WDHD1: variants seen among roughly 807,000 people sequenced by gnomAD.
WDHD1 encodes WD repeat and HMG-box DNA binding protein 1.
A neutral mutation model predicts 135.4 loss-of-function variants in WDHD1; 111 were observed. The ratio of observed to expected loss-of-function variants is 0.82; its 90% CI spans 0.70 to 0.96. WDHD1 has a LOEUF of 0.96. Ranked by LOEUF, WDHD1 falls within the 40% of genes least tolerant of loss-of-function variation. The probability of loss-of-function intolerance (pLI) is 0.00; values close to 1 mark genes in which losing one functional copy is unlikely to be tolerated. For missense variants in WDHD1, 1,351 were observed against 1,336.3 expected (o/e 1.01, Z -0.17); for synonymous variants, 434 against 439.0 (o/e 0.99, Z 0.14).
At position 54,962,778 on chromosome 14, in the gene WDHD1, T is replaced by A; in HGVS notation, c.2607A>T (p.Gly869=). 1 of 1,613,898 alleles carries A rather than the reference T, an allele frequency of 6.2e-7. No homozygotes were observed. The highest frequency in any genetic ancestry group is 8.5e-7 in the Non-Finnish European group (1 of 1,180,018). Residue 869 remains glycine, a synonymous_variant, in exon 20 of 26, where the codon GGA becomes GGT. Transcript: ENST00000360586. ...NQVEEDAEDS[G]EADDEEKPEI... ...CTGGTTTTTCTTCATCATCAGCTTCTCCACTGTCCTCAGCATCTTCTTCAA... is the reference window on the plus strand; with the variant it reads ...CTGGTTTTTCTTCATCATCAGCTTCACCACTGTCCTCAGCATCTTCTTCAA...
intron 15 of WDHD1, 31 bp from the exon 16 acceptor site, chr14:54,981,727 C>G: frequency 6.7e-7 from 1 of 1,486,094 alleles, no homozygotes. Flanking sequence ...CACTTGGAGA[C>G]ATAGCTACAT....
Position 54,963,090 on chromosome 14 carries a change from T to C in WDHD1, c.2393A>G (p.Lys798Arg). The change falls in exon 19 of 26, where the codon AAA becomes AGA. Residue 798 changes from lysine to arginine, a missense_variant. Physicochemically the swap from Lys to Arg is conservative, Grantham distance 26. Transcript: ENST00000360586. Reference sequence around the variant, plus strand: ...TAATTTCCGAGAGCGAGAAGCATATTTAATGGCTAAATTCACAGCATTTTG... The same window carrying C: ...TAATTTCCGAGAGCGAGAAGCATATCTAATGGCTAAATTCACAGCATTTTG... Reference protein sequence around the residue: ...MTQNAVNLAIKYASRSRKLIL... With the variant: ...MTQNAVNLAIRYASRSRKLIL... The C allele has an allele frequency of 6.2e-7, 1 of 1,606,882 alleles. No individual in the cohort carries two copies. The highest frequency in any genetic ancestry group is 8.5e-7 in the Non-Finnish European group (1 of 1,177,056).
At chr14:54,979,072 A>G (rs1459945460) in intron 16 of WDHD1, among the ~76,000 whole-genome samples, 1 of 152,184 alleles carries the variant, frequency 6.6e-6, no homozygotes, top group Non-Finnish European at 1.5e-5. Context: ...CAAAAATGCT[A>G]TAGAGTCACC....
chr14:54,978,405 AG>A (rs959079607), intron 16 of WDHD1, among the ~76,000 whole-genome samples: 1 of 152,150 alleles, frequency 6.6e-6, no homozygotes, highest in African/African-American at 2.4e-5. Flanking sequence ...CAAGATGGTG[AG>A]ACCCCATCTT....
chr14:54,951,826 C>T (rs906647474), intron 24 of WDHD1, among the ~76,000 whole-genome samples: 16 of 152,184 alleles, frequency 1.1e-4, no homozygotes, highest in Non-Finnish European at 1.6e-4. Flanking sequence ...GGATGCAAGG[C>T]TAGTTCAACA....
intron 6 of WDHD1, 146 bp downstream of exon 6, chr14:55,008,170 G>A: frequency 4.4e-6 from 3 of 685,242 alleles, no homozygotes; most frequent in Non-Finnish European, 7.0e-6. Context: ...GAATACTGTG[G>A]ACTTTGATCA....
At chr14:54,960,559 G>GTGCAAC (rs2041234567) in intron 21 of WDHD1, among the ~76,000 whole-genome samples, 1 of 151,446 alleles carries the variant, frequency 6.6e-6, no homozygotes, top group Non-Finnish European at 1.5e-5. Flanking sequence ...GAGTGCAGTG[G>GTGCAAC]CGTGATCTCC....
At chr14:54,944,615 A>ATT in intron 24 of WDHD1, 145 bp from the exon 25 acceptor site, 1 of 534,638 alleles carries the variant, frequency 1.9e-6, no homozygotes, top group Non-Finnish European at 2.7e-6. Context: ...AATTCATGTT[A>ATT]CTTTTTTTTT....
At chr14:55,003,948 T>C (rs2042021267) in intron 7 of WDHD1, among the ~76,000 whole-genome samples, 1 of 152,204 alleles carries the variant, frequency 6.6e-6, no homozygotes, top group South Asian at 2.1e-4. Context: ...GTAAGAATAC[T>C]TTGCACACTA....
intron 3 of WDHD1, among the ~76,000 whole-genome samples, chr14:55,011,812 T>A (rs768818439): frequency 1.6e-4 from 25 of 152,104 alleles, no homozygotes; most frequent in Non-Finnish European, 3.5e-4. Context: ...AATGGCTGCA[T>A]AGTATTCCAT....
intron 24 of WDHD1, among the ~76,000 whole-genome samples, chr14:54,953,323 A>G (rs1170581791): frequency 6.6e-6 from 1 of 152,238 alleles, no homozygotes; most frequent in Non-Finnish European, 1.5e-5. Context: ...ATATGAGCAG[A>G]CACTTCTCAA....
chr14:54,945,392 T>C (rs896533097), intron 24 of WDHD1, among the ~76,000 whole-genome samples: 1 of 152,166 alleles, frequency 6.6e-6, no homozygotes, highest in Non-Finnish European at 1.5e-5. Flanking sequence ...CTCATTTAAA[T>C]GACAATAACA....
chr14:54,976,275 C>T (rs1010693082), intron 16 of WDHD1, among the ~76,000 whole-genome samples: 5 of 152,154 alleles, frequency 3.3e-5, no homozygotes, highest in Admixed American at 6.5e-5. Flanking sequence ...CCTTCTGTCA[C>T]GCAGGTTGGG....
intron 25 of WDHD1, among the ~76,000 whole-genome samples, chr14:54,942,176 G>A (rs1389863164): frequency 7.2e-5 from 11 of 152,078 alleles, no homozygotes; most frequent in Admixed American, 2.0e-4. Context: ...GAGTGAACCC[G>A]GGAGGTGGAG....
At position 54,995,693 on chromosome 14, in the gene WDHD1, T is replaced by C. The variant is rs769608054; in HGVS notation, c.1063A>G (p.Asn355Asp). Residue 355 changes from asparagine (N) to aspartate (D), a missense_variant, in exon 11 of 26, where the codon AAT (asparagine) becomes GAT (aspartate). Coordinates refer to ENST00000360586, the MANE Select transcript of WDHD1 (RefSeq NM_007086.4). ...EIPSFSKGIINDDEDDEDLMM... is the reference protein window; with the variant it reads ...EIPSFSKGIIDDDEDDEDLMM... ...AGGTCTTCATCATCCTCATCATCATTTATAATCCCTTTTGAAAAAGAAGGG... is the reference window on the plus strand; with the variant it reads ...AGGTCTTCATCATCCTCATCATCATCTATAATCCCTTTTGAAAAAGAAGGG... 2 of 1,613,874 alleles carry C rather than the reference T, an allele frequency of 1.2e-6. No individual in the cohort carries two copies. Among genetic ancestry groups the C allele is most frequent in the Non-Finnish European group, 1.7e-6 (2 of 1,179,940 alleles).
intron 21 of WDHD1, among the ~76,000 whole-genome samples, chr14:54,961,994 C>T (rs1307083325): frequency 3.3e-5 from 5 of 151,952 alleles, no homozygotes; most frequent in African/African-American, 1.2e-4. Context: ...ATACCACCAC[C>T]CTCAGCTAAT....
At chr14:54,994,249 TAGC>T (rs2041841256) in intron 11 of WDHD1, among the ~76,000 whole-genome samples, 1 of 152,216 alleles carries the variant, frequency 6.6e-6, no homozygotes, top group African/African-American at 2.4e-5. Flanking sequence ...CTTCTTGAGT[TAGC>T]AGTGGTACTT....
intron 7 of WDHD1, 49 bp downstream of exon 7, chr14:55,007,231 T>TAA (rs369698327): frequency 0.081 from 83,407 of 1,032,748 alleles, 763 homozygotes; most frequent in South Asian, 0.095. Flanking sequence ...CCATCTCTAA[T>TAA]AAAAAAAAAA....
chr14:54,993,082 A>G (rs1271607205), intron 11 of WDHD1, among the ~76,000 whole-genome samples: 1 of 152,214 alleles, frequency 6.6e-6, no homozygotes, highest in Non-Finnish European at 1.5e-5. Context: ...TAAAAAATCC[A>G]TTCAACATTC....
Sources: allele counts gnomAD v4.1 joint callset (sites outside exome capture counted in the v4.1 genomes callset), GRCh38; gene constraint gnomAD v4.1.1; transcripts MANE v1.5; gene names NCBI Gene and HGNC (gene_info 2026-07-23, HGNC 2026-07-21).